Variants in SPMAP2L observed in about 807,000 individuals in gnomAD.
The protein encoded by SPMAP2L is sperm microtubule associated protein 2 like.
At chr4:56,600,794 T>C in the SPMAP2L span, 1 of 805,820 alleles carries the variant, frequency 1.2e-6, no homozygotes, top group Middle Eastern at 3.3e-4. Context: ...GGAGCAAGGA[T>C]GGAAGCAGAG....
At chr4:56,569,479 AT>A in the SPMAP2L span, among the ~76,000 whole-genome samples, 17,297 of 151,230 alleles carry the variant, frequency 0.11, 1,088 homozygotes, top group East Asian at 0.21. Context: ...TCCTTTGTCC[AT>A]TTTTGAGGCT....
chr4:56,555,895 A>G, the SPMAP2L span, among the ~76,000 whole-genome samples: 9 of 152,174 alleles, frequency 5.9e-5, no homozygotes. Context: ...TCTCTTATTC[A>G]TGGATAGGAA....
chr4:56,557,837 T>C, the SPMAP2L span: 2 of 152,262 alleles, frequency 1.3e-5, no homozygotes, highest in Non-Finnish European at 2.9e-5. Context: ...TTGATATTAC[T>C]AGCCATGTAA....
chr4:56,544,288 C>T, the SPMAP2L span, among the ~76,000 whole-genome samples: 9 of 152,080 alleles, frequency 5.9e-5, no homozygotes, highest in African/African-American at 2.2e-4. Flanking sequence ...CGTGCCCGGC[C>T]CCAATACGTT....
chr4:56,589,504 A>C, the SPMAP2L span, among the ~76,000 whole-genome samples: 1 of 152,088 alleles, frequency 6.6e-6, no homozygotes, highest in East Asian at 1.9e-4. Flanking sequence ...ATTGCACTGA[A>C]TTTGTAGATT....
At chr4:56,588,728 G>T in the SPMAP2L span, among the ~76,000 whole-genome samples, 1 of 152,146 alleles carries the variant, frequency 6.6e-6, no homozygotes, top group Non-Finnish European at 1.5e-5. Flanking sequence ...ACTGTGTCCA[G>T]CCATCTTCTA....
the SPMAP2L span, among the ~76,000 whole-genome samples, chr4:56,591,918 G>A: frequency 6.6e-6 from 1 of 152,086 alleles, no homozygotes; most frequent in African/African-American, 2.4e-5. Context: ...GATAATATGA[G>A]CCCCAATTCC....
At chr4:56,598,334 C>A in the SPMAP2L span, among the ~76,000 whole-genome samples, 1 of 152,108 alleles carries the variant, frequency 6.6e-6, no homozygotes. Context: ...TGTGCCAGAG[C>A]CAATTTTAGC....
chr4:56,600,097 C>CTTTCTTTTT, the SPMAP2L span, among the ~76,000 whole-genome samples: 2 of 87,782 alleles, frequency 2.3e-5, no homozygotes, highest in African/African-American at 1.0e-4. Flanking sequence ...TCTTTGCTTT[C>CTTTCTTTTT]TTTTTTTTTT....
chr4:56,570,960 C>T, the SPMAP2L span, among the ~76,000 whole-genome samples: 1 of 151,884 alleles, frequency 6.6e-6, no homozygotes, highest in African/African-American at 2.4e-5. Flanking sequence ...TGTGCTACCA[C>T]ACCCCGTTAA....
the SPMAP2L span, among the ~76,000 whole-genome samples, chr4:56,583,834 G>GT: frequency 3.7e-4 from 56 of 152,208 alleles, 1 homozygote; most frequent in Middle Eastern, 6.8e-3. Flanking sequence ...ATCAATTCCA[G>GT]TTTTTTTATA....
the SPMAP2L span, among the ~76,000 whole-genome samples, chr4:56,608,582 T>C: frequency 6.6e-6 from 1 of 152,190 alleles, no homozygotes; most frequent in African/African-American, 2.4e-5. Flanking sequence ...CTTCCTAGTA[T>C]TGCCTCACAT....
the SPMAP2L span, chr4:56,594,424 A>G: frequency 6.3e-7 from 1 of 1,598,902 alleles, no homozygotes; most frequent in South Asian, 1.1e-5. Flanking sequence ...ACCAAGCTCA[A>G]GGATATCAGC....
At chr4:56,605,526 G>A in the SPMAP2L span, among the ~76,000 whole-genome samples, 1 of 152,198 alleles carries the variant, frequency 6.6e-6, no homozygotes, top group African/African-American at 2.4e-5. Context: ...CTGATGAAAT[G>A]CCTAACCTTG....
the SPMAP2L span, among the ~76,000 whole-genome samples, chr4:56,615,162 G>A: frequency 1.3e-5 from 2 of 152,222 alleles, no homozygotes; most frequent in Non-Finnish European, 2.9e-5. Context: ...TTGTGACAAT[G>A]CCTTTACCTC....
the SPMAP2L span, chr4:56,575,675 AT>A: frequency 6.5e-7 from 1 of 1,527,748 alleles, no homozygotes; most frequent in Non-Finnish European, 8.8e-7. Flanking sequence ...GTAAATCCTA[AT>A]CTAATTTGGC....
chr4:56,625,102 A>G, the SPMAP2L span, among the ~76,000 whole-genome samples: 238 of 152,300 alleles, frequency 1.6e-3, no homozygotes, highest in African/African-American at 5.4e-3. Flanking sequence ...GGTGACCTGG[A>G]TGTGAGACCT....
chr4:56,539,558 A>C, the SPMAP2L span, among the ~76,000 whole-genome samples: 1 of 152,168 alleles, frequency 6.6e-6, no homozygotes, highest in East Asian at 1.9e-4. Flanking sequence ...AGTAGCTGGG[A>C]TTACAGGCCT....
chr4:56,623,823 T>A, the SPMAP2L span, among the ~76,000 whole-genome samples: 1 of 152,156 alleles, frequency 6.6e-6, no homozygotes, highest in Non-Finnish European at 1.5e-5. Context: ...ATTAAACCTC[T>A]TTTTCTTCCC....
Sources: allele counts gnomAD v4.1 joint callset (sites outside exome capture counted in the v4.1 genomes callset), GRCh38; gene constraint gnomAD v4.1.1; transcripts MANE v1.5; gene names NCBI Gene and HGNC (gene_info 2026-07-23, HGNC 2026-07-21).